The following NIBAN1 variants were observed in gnomAD, a reference collection of about 807,000 sequenced individuals.
NIBAN1 encodes the protein niban apoptosis regulator 1.
Under a neutral mutation model 75.1 loss-of-function variants are expected in NIBAN1, and 81 were observed. The ratio of observed to expected loss-of-function variants is 1.08; its 90% CI spans 0.90 to 1.30. The LOEUF is 1.30. Ranked by LOEUF, NIBAN1 falls within the 50% of genes most tolerant of loss-of-function variation. NIBAN1 has a pLI of 0.00. For missense variants in NIBAN1, 1,133 were observed against 1,128.1 expected, an observed-to-expected ratio of 1.00 and a Z score of -0.06; for synonymous variants, 436 against 424.8, an observed-to-expected ratio of 1.03 and a Z score of -0.32.
At chr1:184,811,503 T>TTTTTTTTTG (rs770392762) in intron 9 of NIBAN1, among the ~76,000 whole-genome samples, 10,730 of 33,020 alleles carry the variant, frequency 0.32, 559 homozygotes, top group African/African-American at 0.48. Flanking sequence ...CTTTCTTCCT[T>TTTTTTTTTG]TTTTTTTTTG....
chr1:184,947,433 G>A (rs1658258310), intron 1 of NIBAN1, among the ~76,000 whole-genome samples: 1 of 152,204 alleles, frequency 6.6e-6, no homozygotes, highest in South Asian at 2.1e-4. Flanking sequence ...GTTTATGTTG[G>A]CGATGATGAA....
chr1:184,835,908 C>A (rs1019442776), intron 5 of NIBAN1, among the ~76,000 whole-genome samples: 2 of 152,184 alleles, frequency 1.3e-5, no homozygotes, highest in Non-Finnish European at 2.9e-5. Flanking sequence ...GAGAGGGCAT[C>A]CCTGTCTTGT....
chr1:184,960,137 T>A (rs1303827770), intron 1 of NIBAN1, among the ~76,000 whole-genome samples: 1 of 152,340 alleles, frequency 6.6e-6, no homozygotes, highest in South Asian at 2.1e-4. Flanking sequence ...ATGGCAAATG[T>A]GTAATATCTG....
At chr1:184,953,062 T>G (rs1658399204) in intron 1 of NIBAN1, among the ~76,000 whole-genome samples, 1 of 152,214 alleles carries the variant, frequency 6.6e-6, no homozygotes, top group Non-Finnish European at 1.5e-5. Context: ...ATCTTTGACT[T>G]TAGGTTGCAG....
At chr1:184,863,080 C>G (rs1655859324) in intron 5 of NIBAN1, among the ~76,000 whole-genome samples, 1 of 152,146 alleles carries the variant, frequency 6.6e-6, no homozygotes, top group South Asian at 2.1e-4. Flanking sequence ...TAAAAGAGTT[C>G]TGAGAACCTC....
At chr1:184,821,089 G>C (rs1654684814) in intron 8 of NIBAN1, among the ~76,000 whole-genome samples, 1 of 152,174 alleles carries the variant, frequency 6.6e-6, no homozygotes, top group South Asian at 2.1e-4. Context: ...TTTTCCTTCT[G>C]TCTCAGCATC....
chr1:184,857,150 A>G (rs1226141588), intron 5 of NIBAN1, among the ~76,000 whole-genome samples: 1 of 152,212 alleles, frequency 6.6e-6, no homozygotes, highest in African/African-American at 2.4e-5. Flanking sequence ...AAGCCTTCCA[A>G]CAGATAGAGT....
chr1:184,967,643 G>T (rs950142845), intron 1 of NIBAN1, among the ~76,000 whole-genome samples: 9 of 152,144 alleles, frequency 5.9e-5, no homozygotes, highest in African/African-American at 1.9e-4. Flanking sequence ...CACAGTAAAA[G>T]ATAATAAAAA....
At chr1:184,830,952 A>G (rs918641059) in intron 6 of NIBAN1, among the ~76,000 whole-genome samples, 4 of 151,088 alleles carry the variant, frequency 2.6e-5, no homozygotes, top group African/African-American at 9.8e-5. Context: ...GTGAGCTGAG[A>G]TTGCGCCACT....
chr1:184,884,357 G>A (rs1273467813), intron 5 of NIBAN1, among the ~76,000 whole-genome samples: 1 of 151,536 alleles, frequency 6.6e-6, no homozygotes, highest in African/African-American at 2.4e-5. Context: ...CCAAGTAGCT[G>A]GGATTACAGG....
rs1012294512 is a variant in NIBAN1 at position 184,806,168 on chromosome 1, C to G, written c.1336-112G>C. ...AGGGGCCATCAGAGATGAGTCCCCT[C>G]GGCTGCTATTCGGTGGGGGTACCCA... On this transcript the variant is annotated intron_variant, in intron 10 of 13. Coordinates refer to ENST00000367511, the MANE Select transcript of NIBAN1 (RefSeq NM_052966.4). 9 of 742,492 alleles carry G rather than the reference C, an allele frequency of 1.2e-5. No individual in the cohort carries two copies. In the East Asian group the frequency reaches 2.4e-4, roughly 20 times the overall value. 46.0% of individuals were successfully genotyped at this position (742,492 alleles called of 1,614,324 possible).
chr1:184,863,093 G>T lies in NIBAN1; in HGVS notation c.601+21540C>A, dbSNP rs572370163. ...CTTAAAAGAGTTCTGAGAACCTCACGTGTAGCAGTTCATTCTCTCCCTCCT... is the reference window on the plus strand; with the variant it reads ...CTTAAAAGAGTTCTGAGAACCTCACTTGTAGCAGTTCATTCTCTCCCTCCT... On this transcript the variant is annotated intron_variant, in intron 5 of 13. Transcript: ENST00000367511. Among the ~76,000 whole-genome samples the T allele has an allele frequency of 3.9e-5, 6 of 152,080 alleles. No individual in the cohort carries two copies. In the South Asian group the frequency reaches 8.3e-4, roughly 21 times the overall value.
intron 1 of NIBAN1, among the ~76,000 whole-genome samples, chr1:184,911,402 C>T (rs1178656370): frequency 1.3e-5 from 2 of 152,130 alleles, no homozygotes; most frequent in African/African-American, 2.4e-5. Flanking sequence ...CAGCTTCATC[C>T]CAGTTGGCAG....
intron 5 of NIBAN1, among the ~76,000 whole-genome samples, chr1:184,836,645 A>G (rs1215190195): frequency 1.3e-5 from 2 of 152,230 alleles, no homozygotes; most frequent in African/African-American, 2.4e-5. Flanking sequence ...GTGGAAGTGA[A>G]GCATCTTAAT....
intron 5 of NIBAN1, among the ~76,000 whole-genome samples, chr1:184,878,038 G>T (rs917240472): frequency 4.0e-4 from 61 of 151,858 alleles, no homozygotes; most frequent in African/African-American, 1.5e-3. Flanking sequence ...TAACTATTTG[G>T]TTCATTGGAA....
At chr1:184,869,113 G>C (rs1223494236) in intron 5 of NIBAN1, among the ~76,000 whole-genome samples, 1 of 152,164 alleles carries the variant, frequency 6.6e-6, no homozygotes, top group Non-Finnish European at 1.5e-5. Context: ...TCAAGCAAGG[G>C]AAACAGACTA....
rs987769896 is a variant in NIBAN1, at chr1:184,974,459, C to T, written c.-103G>A. ...GCGAACCCGGCTCTGAAATTAAGAG[C>T]AAACTTCCTTCGAGAGGCGAGAGAC... On this transcript the variant is annotated 5_prime_UTR_variant, in exon 1 of 14. Transcript: ENST00000367511. The T allele has an allele frequency of 4.2e-6, 6 of 1,431,796 alleles. No individual in the cohort carries two copies. The African/African-American group carries it at 8.8e-5, about 21-fold the overall frequency. 88.7% of individuals were successfully genotyped at this position (1,431,796 alleles called of 1,614,324 possible).
At chr1:184,863,476 G>T (rs928675463) in intron 5 of NIBAN1, among the ~76,000 whole-genome samples, 9 of 151,926 alleles carry the variant, frequency 5.9e-5, no homozygotes, top group South Asian at 2.1e-4. Context: ...ATGTATTTTT[G>T]GTTTACAGAT....
At chr1:184,960,841 G>A (rs1007811568) in intron 1 of NIBAN1, among the ~76,000 whole-genome samples, 1 of 151,996 alleles carries the variant, frequency 6.6e-6, no homozygotes, top group Non-Finnish European at 1.5e-5. Flanking sequence ...TGTTGACCAG[G>A]CTGGTCTCGA....
Sources: gnomAD v4.1 joint callset for allele counts (sites outside exome capture counted in the v4.1 genomes callset) on GRCh38, gnomAD v4.1.1 for gene constraint, MANE v1.5 for transcripts, NCBI Gene and HGNC (gene_info 2026-07-23, HGNC 2026-07-21) for gene names.